Variants in CCSER1 observed in about 807,000 individuals in gnomAD.
CCSER1 encodes coiled-coil serine rich protein 1, also known as serine-rich coiled-coil domain-containing protein 1.
Under a neutral mutation model 82.0 loss-of-function variants are expected in CCSER1, and 41 were observed. That is an observed-to-expected ratio of 0.50 (90% CI 0.39 to 0.65). The LOEUF (loss-of-function observed/expected upper bound fraction) is 0.65. CCSER1 is among the 30% of genes least tolerant of loss of function. The probability of loss-of-function intolerance (pLI) is 0.00; values close to 1 mark genes in which losing one functional copy is unlikely to be tolerated. For missense variants in CCSER1, 1,119 were observed against 1,064.2 expected (o/e 1.05, Z -0.72); for synonymous variants, 414 against 383.9 (o/e 1.08, Z -0.92).
At chr4:90,791,164 C>G (rs1044447471) in intron 7 of CCSER1, among the ~76,000 whole-genome samples, 9 of 152,074 alleles carry the variant, frequency 5.9e-5, no homozygotes, top group African/African-American at 2.2e-4. Context: ...CTCATGAGGA[C>G]TTACTATCAT....
chr4:91,568,919 G>C (rs2110277641), intron 10 of CCSER1, among the ~76,000 whole-genome samples: 1 of 152,180 alleles, frequency 6.6e-6, no homozygotes, highest in East Asian at 1.9e-4. Flanking sequence ...GTGACACCCT[G>C]GCCATTTGAG....
At chr4:90,477,976 A>G (rs1194649343) in intron 5 of CCSER1, among the ~76,000 whole-genome samples, 1 of 152,168 alleles carries the variant, frequency 6.6e-6, no homozygotes, top group Non-Finnish European at 1.5e-5. Context: ...TCAGTATTGA[A>G]AAGAAAGATC....
intron 10 of CCSER1, among the ~76,000 whole-genome samples, chr4:91,548,723 A>G (rs961679682): frequency 1.3e-5 from 2 of 151,944 alleles, no homozygotes; most frequent in African/African-American, 4.8e-5. Flanking sequence ...ATTGGATGTG[A>G]TTCTTTTTTC....
At chr4:90,733,445 A>G (rs754525722) in intron 7 of CCSER1, among the ~76,000 whole-genome samples, 1 of 152,036 alleles carries the variant, frequency 6.6e-6, no homozygotes, top group Non-Finnish European at 1.5e-5. Flanking sequence ...TCCCTTGTTC[A>G]GTGGGTGGTT....
At chr4:91,529,020 T>C (rs1216131500) in intron 10 of CCSER1, among the ~76,000 whole-genome samples, 2 of 152,270 alleles carry the variant, frequency 1.3e-5, no homozygotes, top group African/African-American at 4.8e-5. Flanking sequence ...CTAATTAAAA[T>C]GTGACCAATT....
rs558807522 is a variant in CCSER1, at chr4:90,420,060, A to G, written c.1603+19931A>G. 6.6e-5 allele frequency among the ~76,000 whole-genome samples: 10 copies of G among 152,130 alleles called. No homozygotes were observed. The South Asian group carries it at 1.9e-3, about 28-fold the overall frequency. On this transcript the variant is annotated intron_variant, in intron 4 of 10. Transcript: ENST00000509176. ...AAAAAGCAGTAATTTATAGTCTACT[A>G]ATTGAGTATGGGGACCATGATATTC...
At chr4:91,236,621 T>C (rs371305894) in intron 10 of CCSER1, among the ~76,000 whole-genome samples, 1 of 152,238 alleles carries the variant, frequency 6.6e-6, no homozygotes, top group African/African-American at 2.4e-5. Flanking sequence ...TGGTGGCTCC[T>C]TAATATCTAT....
intron 10 of CCSER1, among the ~76,000 whole-genome samples, chr4:91,577,935 T>G (rs1383641797): frequency 2.6e-5 from 4 of 152,032 alleles, no homozygotes; most frequent in Non-Finnish European, 1.5e-5. Flanking sequence ...AAAAAAGTTC[T>G]TGGACATTTT....
At chr4:91,022,552 A>G (rs1740093261) in intron 9 of CCSER1, among the ~76,000 whole-genome samples, 1 of 152,144 alleles carries the variant, frequency 6.6e-6, no homozygotes, top group Non-Finnish European at 1.5e-5. Context: ...GTCAAATGGT[A>G]TTTCTAGTTC....
chr4:90,684,936 A>G (rs113831485), intron 6 of CCSER1, among the ~76,000 whole-genome samples: 85 of 152,266 alleles, frequency 5.6e-4, no homozygotes, highest in African/African-American at 1.9e-3. Flanking sequence ...TTCCAGCCAC[A>G]TGGAACTGTA....
At chr4:91,047,358 T>A (rs1269797632) in intron 9 of CCSER1, among the ~76,000 whole-genome samples, 2 of 152,168 alleles carry the variant, frequency 1.3e-5, no homozygotes, top group African/African-American at 4.8e-5. Flanking sequence ...CCTATTTATT[T>A]AGATATGTAT....
At chr4:90,660,556 C>G (rs1375554716) in intron 6 of CCSER1, among the ~76,000 whole-genome samples, 1 of 151,940 alleles carries the variant, frequency 6.6e-6, no homozygotes. Flanking sequence ...CCATATAATT[C>G]ATAAAAGCTG....
At chr4:91,257,472 TACACACAC>T (rs34423543) in intron 10 of CCSER1, among the ~76,000 whole-genome samples, 58 of 148,968 alleles carry the variant, frequency 3.9e-4, no homozygotes, top group African/African-American at 1.2e-3. Flanking sequence ...AATACATACC[TACACACAC>T]ACACACACAC....
At chr4:90,133,409 G>A (rs938538088) in intron 1 of CCSER1, among the ~76,000 whole-genome samples, 1 of 152,034 alleles carries the variant, frequency 6.6e-6, no homozygotes, top group African/African-American at 2.4e-5. Context: ...TACAAAAGTT[G>A]ACCAATTTCT....
In CCSER1 at chr4:90,496,179, A is replaced by G. The variant is rs528388468; in HGVS notation, c.1724+27825A>G. On this transcript the variant is annotated intron_variant, in intron 5 of 10. Coordinates refer to ENST00000509176, the MANE Select transcript of CCSER1 (RefSeq NM_001145065.2). Reference sequence around the variant, plus strand: ...TGCCACTTGAAGTCACAACAATTAAAGAAGCTTAACAGAATGGCCTCAGTT... The same window carrying G: ...TGCCACTTGAAGTCACAACAATTAAGGAAGCTTAACAGAATGGCCTCAGTT... Among the ~76,000 whole-genome samples, 29 of 152,312 alleles carry G rather than the reference A, an allele frequency of 1.9e-4. No homozygotes were observed. In the South Asian group the frequency reaches 5.8e-3, roughly 30 times the overall value.
chr4:90,711,368 T>C (rs1740579023), intron 6 of CCSER1, among the ~76,000 whole-genome samples: 1 of 152,134 alleles, frequency 6.6e-6, no homozygotes, highest in Non-Finnish European at 1.5e-5. Context: ...CAATACTGTG[T>C]TGAATAGGAG....
intron 1 of CCSER1, among the ~76,000 whole-genome samples, chr4:90,302,750 CTA>C (rs1733403273): frequency 6.6e-6 from 1 of 152,078 alleles, no homozygotes; most frequent in African/African-American, 2.4e-5. Flanking sequence ...ATGTAGTTAA[CTA>C]TGTTTGCTAC....
At chr4:90,416,029 G>C (rs929093286) in intron 4 of CCSER1, among the ~76,000 whole-genome samples, 1 of 152,152 alleles carries the variant, frequency 6.6e-6, no homozygotes, top group Admixed American at 6.6e-5. Flanking sequence ...TAGGGAAATG[G>C]AGAGATGATC....
intron 10 of CCSER1, among the ~76,000 whole-genome samples, chr4:91,493,055 C>T (rs932121532): frequency 3.3e-5 from 5 of 151,812 alleles, no homozygotes; most frequent in Admixed American, 6.6e-5. Context: ...ATGAAATACT[C>T]GTAAATATTG....
Sources: gnomAD v4.1 joint callset for allele counts (sites outside exome capture counted in the v4.1 genomes callset) on GRCh38, gnomAD v4.1.1 for gene constraint, MANE v1.5 for transcripts, NCBI Gene and HGNC (gene_info 2026-07-23, HGNC 2026-07-21) for gene names.